The following SOX6 variants were observed in gnomAD, a reference collection of about 807,000 sequenced individuals.
SOX6 encodes SRY-box transcription factor 6.
A neutral mutation model predicts 97.8 loss-of-function variants in SOX6; 11 were observed. That is an observed-to-expected ratio of 0.11 (90% CI 0.07 to 0.19). The LOEUF is 0.19. Among genes scored for constraint, SOX6 ranks in the 10% least tolerant of loss-of-function variants. The pLI, the probability that SOX6 is intolerant of heterozygous loss-of-function variation, is 1.00. For synonymous variants in SOX6, 360 were observed against 371.4 expected, an observed-to-expected ratio of 0.97 and a Z score of 0.35; for missense variants, 810 against 1,039.5, an observed-to-expected ratio of 0.78 and a Z score of 3.04.
chr11:16,717,208 C>G (rs1224409775), intron 2 of SOX6, among the ~76,000 whole-genome samples: 1 of 152,004 alleles, frequency 6.6e-6, no homozygotes, highest in Non-Finnish European at 1.5e-5. Flanking sequence ...ATTTGTTAAA[C>G]TCATAGAATC....
chr11:16,462,988 G>T (rs1859961036), intron 1 of SOX6, among the ~76,000 whole-genome samples: 1 of 152,186 alleles, frequency 6.6e-6, no homozygotes, highest in Non-Finnish European at 1.5e-5. Context: ...GATGAGAAAA[G>T]GACTAGGCAG....
chr11:16,696,673 C>T (rs1453766309), intron 3 of SOX6, among the ~76,000 whole-genome samples: 4 of 152,100 alleles, frequency 2.6e-5, no homozygotes, highest in African/African-American at 9.7e-5. Flanking sequence ...CTGAAAAATG[C>T]AAATAATTAT....
At chr11:16,015,358 G>A in intron 12 of SOX6, 2 of 376,028 alleles carry the variant, frequency 5.3e-6, no homozygotes, top group Admixed American at 4.1e-5. Context: ...AATAGAGAGG[G>A]TTGAGCCAAC....
chr11:16,397,922 C>T (rs1021963906), intron 1 of SOX6, among the ~76,000 whole-genome samples: 2 of 151,538 alleles, frequency 1.3e-5, no homozygotes, highest in Non-Finnish European at 3.0e-5. Context: ...CAGCTCTGAG[C>T]ACAAGACATA....
At chr11:15,998,116 T>G (rs985336454) in intron 13 of SOX6, among the ~76,000 whole-genome samples, 1 of 150,704 alleles carries the variant, frequency 6.6e-6, no homozygotes, top group East Asian at 1.9e-4. Flanking sequence ...TAAAATAAAA[T>G]AAAAAATAAA....
At chr11:16,525,200 A>T (rs955511239) in intron 4 of SOX6, among the ~76,000 whole-genome samples, 64 of 152,254 alleles carry the variant, frequency 4.2e-4, no homozygotes, top group Admixed American at 1.4e-3. Flanking sequence ...AAGAACAAAG[A>T]TGGAAGCACC....
At chr11:16,511,146 C>A (rs1013526756) in intron 4 of SOX6, among the ~76,000 whole-genome samples, 15 of 152,130 alleles carry the variant, frequency 9.9e-5, no homozygotes, top group African/African-American at 3.6e-4. Context: ...AGTTTACAAG[C>A]AACCTAAACT....
rs1326332893 is a variant in SOX6, at chr11:15,996,321, A to G, written c.1733-7091T>C. Among the ~76,000 whole-genome samples, 7 of 152,266 alleles carry G rather than the reference A, an allele frequency of 4.6e-5. No homozygotes were observed. In the East Asian group the frequency reaches 9.6e-4, roughly 21 times the overall value. ...TAAGGTTTCATAGTGAATCCTTAGAAAAACCAATTTAAAAAAATACAAAGA... is the reference window on the plus strand; with the variant it reads ...TAAGGTTTCATAGTGAATCCTTAGAGAAACCAATTTAAAAAAATACAAAGA... On this transcript the variant is annotated intron_variant, in intron 13 of 15. Transcript: ENST00000683767.
intron 6 of SOX6, among the ~76,000 whole-genome samples, chr11:16,152,936 G>A (rs573259204): frequency 5.3e-5 from 8 of 151,504 alleles, no homozygotes; most frequent in South Asian, 2.1e-4. Flanking sequence ...GCGCTATCTC[G>A]GCTCACAGCA....
chr11:16,093,258 T>G (rs1222206386), intron 9 of SOX6, among the ~76,000 whole-genome samples: 1 of 151,926 alleles, frequency 6.6e-6, no homozygotes, highest in Admixed American at 6.6e-5. Context: ...TGCTGAACTG[T>G]TCAACTAAAA....
intron 9 of SOX6, 99 bp downstream of exon 9, chr11:16,095,897 T>G: frequency 7.6e-7 from 1 of 1,308,104 alleles, no homozygotes; most frequent in Non-Finnish European, 1.1e-6. Context: ...AGTGTTTAGG[T>G]TGAGTGTTTG....
chr11:16,301,044 T>C (rs1235957856), intron 3 of SOX6, among the ~76,000 whole-genome samples: 2 of 152,178 alleles, frequency 1.3e-5, no homozygotes, highest in African/African-American at 4.8e-5. Flanking sequence ...CCCCCAACAC[T>C]ATCACTCTAA....
chr11:15,974,927 A>G (rs978801315), intron 15 of SOX6, among the ~76,000 whole-genome samples: 103 of 152,316 alleles, frequency 6.8e-4, no homozygotes, highest in African/African-American at 2.3e-3. Context: ...CCTTGCTTCA[A>G]GCCCTGCATT....
intron 6 of SOX6, among the ~76,000 whole-genome samples, chr11:16,123,365 G>T (rs571513614): frequency 6.6e-6 from 1 of 152,004 alleles, no homozygotes; most frequent in Non-Finnish European, 1.5e-5. Flanking sequence ...TAACCAGGAC[G>T]TAAATAAGAT....
At chr11:16,268,816 T>C (rs565351231) in intron 3 of SOX6, among the ~76,000 whole-genome samples, 23 of 151,312 alleles carry the variant, frequency 1.5e-4, no homozygotes, top group African/African-American at 5.5e-4. Context: ...GAGTTCTTTA[T>C]ATATTAGGAA....
At chr11:16,272,780 T>C (rs1427427960) in intron 3 of SOX6, among the ~76,000 whole-genome samples, 1 of 151,828 alleles carries the variant, frequency 6.6e-6, no homozygotes, top group Non-Finnish European at 1.5e-5. Flanking sequence ...CTGTATTGCT[T>C]CCTGTCCTCT....
intron 4 of SOX6, among the ~76,000 whole-genome samples, chr11:16,498,663 T>C (rs1252824312): frequency 6.6e-6 from 1 of 152,086 alleles, no homozygotes; most frequent in Non-Finnish European, 1.5e-5. Context: ...GCAATCCCAG[T>C]CTCTGATAAA....
chr11:16,689,322 T>C (rs1847994523), intron 3 of SOX6, among the ~76,000 whole-genome samples: 1 of 152,168 alleles, frequency 6.6e-6, no homozygotes, highest in Non-Finnish European at 1.5e-5. Flanking sequence ...GGACTCCAAA[T>C]GTAATGTCTT....
intron 1 of SOX6, among the ~76,000 whole-genome samples, chr11:16,406,092 G>C (rs955424469): frequency 1.3e-5 from 2 of 151,954 alleles, no homozygotes; most frequent in African/African-American, 4.8e-5. Context: ...TTAATATATG[G>C]ACTAGATAGA....
Sources: gnomAD v4.1 joint callset for allele counts (sites outside exome capture counted in the v4.1 genomes callset) on GRCh38, gnomAD v4.1.1 for gene constraint, MANE v1.5 for transcripts, NCBI Gene and HGNC (gene_info 2026-07-23, HGNC 2026-07-21) for gene names.